CNTNAP4: variants seen among roughly 807,000 people sequenced by gnomAD.
The protein encoded by CNTNAP4 is contactin associated protein family member 4.
CNTNAP4 carries 98 observed loss-of-function variants against 148.4 expected under a neutral mutation model. That is an observed-to-expected ratio of 0.66 (90% confidence interval 0.56 to 0.78). The LOEUF is 0.78. Ranked by LOEUF, CNTNAP4 falls within the 30% of genes least tolerant of loss-of-function variation. The pLI is 0.00. For synonymous variants in CNTNAP4, 730 were observed against 565.1 expected (o/e 1.29, Z -4.14); for missense variants, 1,935 against 1,565.6 (o/e 1.24, Z -3.98).
intron 10 of CNTNAP4, among the ~76,000 whole-genome samples, chr16:76,472,616 A>T (rs2081415772): frequency 6.6e-6 from 1 of 152,222 alleles, no homozygotes; most frequent in Non-Finnish European, 1.5e-5. Flanking sequence ...ATAGTATTCC[A>T]TGGTGTATAG....
At chr16:76,293,906 T>G (rs1234252513) in intron 1 of CNTNAP4, among the ~76,000 whole-genome samples, 1 of 152,010 alleles carries the variant, frequency 6.6e-6, no homozygotes. Context: ...AACCGAGAAT[T>G]GTATTTAGCC....
chr16:76,517,326 T>G (rs570785320), intron 15 of CNTNAP4, among the ~76,000 whole-genome samples: 9 of 152,302 alleles, frequency 5.9e-5, no homozygotes, highest in African/African-American at 2.2e-4. Flanking sequence ...CATCCTGCTA[T>G]TGTTTTGTAA....
chr16:76,355,995 C>T (rs918321687), intron 3 of CNTNAP4, among the ~76,000 whole-genome samples: 18 of 151,984 alleles, frequency 1.2e-4, no homozygotes, highest in Non-Finnish European at 2.2e-4. Flanking sequence ...CTACTTCAGC[C>T]TCCCAAGTAG....
chr16:76,539,634 C>T, intron 19 of CNTNAP4, 85 bp from the exon 20 acceptor site: 1 of 1,114,266 alleles, frequency 9.0e-7, no homozygotes, highest in Non-Finnish European at 1.3e-6. Flanking sequence ...GAATAAATAG[C>T]AACAAAAAAT....
intron 2 of CNTNAP4, among the ~76,000 whole-genome samples, chr16:76,346,010 C>T (rs920833140): frequency 6.6e-6 from 1 of 152,114 alleles, no homozygotes; most frequent in Admixed American, 6.6e-5. Flanking sequence ...CTGAATCTGC[C>T]AGCCCCTTGA....
intron 1 of CNTNAP4, among the ~76,000 whole-genome samples, chr16:76,282,792 T>A (rs1380858459): frequency 6.6e-6 from 1 of 151,992 alleles, no homozygotes; most frequent in Non-Finnish European, 1.5e-5. Flanking sequence ...TTATTTACGC[T>A]ATACTTTTTC....
intron 4 of CNTNAP4, among the ~76,000 whole-genome samples, chr16:76,434,114 TTAAAA>T (rs901580964): frequency 7.4e-5 from 11 of 148,730 alleles, no homozygotes; most frequent in African/African-American, 2.4e-4. Context: ...ATTTGTATAA[TTAAAA>T]TATATATATT....
intron 1 of CNTNAP4, among the ~76,000 whole-genome samples, chr16:76,307,702 T>A (rs1960645138): frequency 6.6e-6 from 1 of 151,958 alleles, no homozygotes; most frequent in African/African-American, 2.4e-5. Context: ...TTCTAAAAAA[T>A]TATTATTTCT....
chr16:76,552,418 G>C (rs937990592), intron 21 of CNTNAP4, among the ~76,000 whole-genome samples: 4 of 152,144 alleles, frequency 2.6e-5, no homozygotes, highest in Admixed American at 2.6e-4. Flanking sequence ...AGCCTTCAAA[G>C]CCTATGATAA....
At chr16:76,310,588 C>A (rs559585436) in intron 1 of CNTNAP4, among the ~76,000 whole-genome samples, 18 of 152,252 alleles carry the variant, frequency 1.2e-4, no homozygotes, top group African/African-American at 4.3e-4. Context: ...TCAAAGGTCT[C>A]ACCCTGCCTC....
At chr16:76,413,997 TAA>T (rs1285938825) in intron 3 of CNTNAP4, among the ~76,000 whole-genome samples, 7 of 151,330 alleles carry the variant, frequency 4.6e-5, no homozygotes, top group Non-Finnish European at 8.9e-5. Context: ...CATACACCTA[TAA>T]ATAAAGGCAG....
At chr16:76,474,362 C>G (rs1015192130) in intron 10 of CNTNAP4, among the ~76,000 whole-genome samples, 5 of 152,070 alleles carry the variant, frequency 3.3e-5, no homozygotes, top group Admixed American at 1.3e-4. Flanking sequence ...CTAAAGTAAA[C>G]GCTCTAAGAT....
chr16:76,301,172 T>A (rs1003233748), intron 1 of CNTNAP4, among the ~76,000 whole-genome samples: 2 of 152,244 alleles, frequency 1.3e-5, no homozygotes, highest in Admixed American at 6.5e-5. Context: ...CATTTTTGAA[T>A]GAGACTGTTG....
chr16:76,449,810 G>T lies in CNTNAP4; in HGVS notation c.1023G>T (p.Val341=). 1 of 1,606,608 alleles carries T rather than the reference G, an allele frequency of 6.2e-7. No homozygotes were observed. The highest frequency in any genetic ancestry group is 8.5e-7 in the Non-Finnish European group (1 of 1,176,380). The change falls in exon 7 of 24, where the codon GTG becomes GTT. Residue 341 remains valine (V), a synonymous_variant. Transcript: ENST00000611870. ...TAGAAAATCTCTATTATAATGGAGT[G>T]GATATCATTGATTTGGCCAAGCAGC... ...GCLENLYYNG[V]DIIDLAKQQK... is the part of the protein sequence containing the mutation.
intron 2 of CNTNAP4, among the ~76,000 whole-genome samples, chr16:76,337,633 C>T (rs1377777787): frequency 1.3e-5 from 2 of 152,124 alleles, no homozygotes; most frequent in African/African-American, 4.8e-5. Flanking sequence ...GGTTCGAGAG[C>T]AGACAACTGA....
At chr16:76,449,612 A>C in intron 6 of CNTNAP4, 103 bp from the exon 7 acceptor site, 1 of 967,068 alleles carries the variant, frequency 1.0e-6, no homozygotes, top group Middle Eastern at 3.4e-4. Context: ...GTTATGAAAA[A>C]TTGATCTGTG....
intron 4 of CNTNAP4, among the ~76,000 whole-genome samples, chr16:76,441,076 A>T (rs1597549181): frequency 6.6e-6 from 1 of 152,102 alleles, no homozygotes; most frequent in Non-Finnish European, 1.5e-5. Flanking sequence ...GCTACAGCGG[A>T]TCAACTCCCT....
Position 76,558,595 on chromosome 16 carries a change from A to G in CNTNAP4, c.3839A>G (p.Glu1280Gly). 6.2e-7 allele frequency: 1 copy of G among 1,613,516 alleles called. No individual in the cohort carries two copies. Among genetic ancestry groups the G allele is most frequent in the Non-Finnish European group, 8.5e-7 (1 of 1,179,530 alleles). The change falls in exon 24 of 24, where the codon GAG (glutamate) becomes GGG (glycine). Residue 1280 changes from glutamate to glycine, a missense_variant. Physicochemically the swap from Glu to Gly is moderately conservative, Grantham distance 98. Coordinates refer to ENST00000611870, the MANE Select transcript of CNTNAP4 (RefSeq NM_033401.5). The part of the protein sequence containing the change: ...LYKRSEAKRS[E>G]NVDSAEAVLK... ...AAAAGAAGTGAGGCAAAAAGGTCAGAGAATGTAGACAGTGCTGAGGCTGTT... is the reference window on the plus strand; with the variant it reads ...AAAAGAAGTGAGGCAAAAAGGTCAGGGAATGTAGACAGTGCTGAGGCTGTT...
At chr16:76,450,690 T>G (rs2080428372) in intron 7 of CNTNAP4, among the ~76,000 whole-genome samples, 1 of 152,218 alleles carries the variant, frequency 6.6e-6, no homozygotes, top group African/African-American at 2.4e-5. Flanking sequence ...TGTGTTACAA[T>G]ATTGCATCGG....
Sources: allele counts gnomAD v4.1 joint callset (sites outside exome capture counted in the v4.1 genomes callset), GRCh38; gene constraint gnomAD v4.1.1; transcripts MANE v1.5; gene names NCBI Gene and HGNC (gene_info 2026-07-23, HGNC 2026-07-21).